Variants in GLIS3 observed in about 807,000 individuals in gnomAD.
The protein encoded by GLIS3 is zinc finger protein GLIS3.
GLIS3 carries 53 observed loss-of-function variants against 78.6 expected under a neutral mutation model. The observed-to-expected ratio is 0.67, with a 90% CI of 0.54 to 0.85. The LOEUF (loss-of-function observed/expected upper bound fraction) is 0.85. GLIS3 is among the 40% of genes least tolerant of loss of function. The pLI, the probability that GLIS3 is intolerant of heterozygous loss-of-function variation, is 0.00. For synonymous variants in GLIS3, 684 were observed against 509.9 expected (o/e 1.34, Z -4.60); for missense variants, 1,703 against 1,231.1 (o/e 1.38, Z -5.74).
chr9:4,431,188 T>G, the GLIS3 span, among the ~76,000 whole-genome samples: 1 of 152,226 alleles, frequency 6.6e-6, no homozygotes, highest in South Asian at 2.1e-4. Flanking sequence ...GTCTTAGAAT[T>G]TCCCTTATCC....
chr9:4,238,701 G>A (rs74955787), intron 2 of GLIS3, among the ~76,000 whole-genome samples: 1 of 152,272 alleles, frequency 6.6e-6, no homozygotes, highest in African/African-American at 2.4e-5. Context: ...TTCCTCATGA[G>A]TCAGACACCT....
rs566140738 is a variant in GLIS3, at chr9:3,829,265, C to G, written c.2656+45G>C. On this transcript the variant is annotated intron_variant, in intron 10 of 10. Transcript: ENST00000381971. The stretch of plus-strand genomic sequence containing the variant: ...GTCACGGGCAGCCCACCTGGTCTCT[C>G]CTGTCAGTTGACAGGATTTTCTAAG... 16 of 1,583,534 alleles carry G rather than the reference C, an allele frequency of 1.0e-5. No homozygotes were observed. In the Admixed American group the frequency reaches 2.5e-4, roughly 25 times the overall value.
chr9:4,008,255 G>T (rs1164306552), intron 4 of GLIS3, among the ~76,000 whole-genome samples: 1 of 152,030 alleles, frequency 6.6e-6, no homozygotes, highest in Admixed American at 6.6e-5. Flanking sequence ...CTCAGAGTAG[G>T]CCCTAAAATT....
intron 4 of GLIS3, among the ~76,000 whole-genome samples, chr9:3,951,752 A>T (rs1420951289): frequency 6.6e-6 from 1 of 152,034 alleles, no homozygotes; most frequent in East Asian, 1.9e-4. Context: ...CAGTTTAGAA[A>T]TGCAAATCAA....
At chr9:3,838,134 G>A (rs1200693802) in intron 9 of GLIS3, among the ~76,000 whole-genome samples, 3 of 152,150 alleles carry the variant, frequency 2.0e-5, no homozygotes, top group African/African-American at 7.2e-5. Flanking sequence ...ACCAAAATAT[G>A]TATTCCATGA....
chr9:4,078,370 C>A (rs920395595), intron 4 of GLIS3, among the ~76,000 whole-genome samples: 2 of 152,114 alleles, frequency 1.3e-5, no homozygotes, highest in African/African-American at 4.8e-5. Context: ...TTCTGGGAAA[C>A]CCCTGGGTTC....
At chr9:4,437,021 A>G in the GLIS3 span, among the ~76,000 whole-genome samples, 1 of 152,112 alleles carries the variant, frequency 6.6e-6, no homozygotes, top group South Asian at 2.1e-4. Flanking sequence ...GAGAGAAGGT[A>G]TCTTGAGCTG....
chr9:4,327,930 C>T (rs1817626517), intron 2 of GLIS3, among the ~76,000 whole-genome samples: 1 of 152,150 alleles, frequency 6.6e-6, no homozygotes, highest in Non-Finnish European at 1.5e-5. Flanking sequence ...GCTGAAATTG[C>T]ATCAAGAGCC....
Position 3,898,265 on chromosome 9 carries a change from T to C in GLIS3, c.2128+426A>G, listed in dbSNP as rs1318349417. 36 of 267,444 alleles carry C rather than the reference T, an allele frequency of 1.3e-4. 2 individuals are homozygous for C. In the Admixed American group the frequency reaches 1.7e-3, roughly 13 times the overall value. The allele number at this position is 267,444 out of a possible 1,614,324, so 16.6% of individuals were successfully genotyped here. ...GAATGAACATTCTTATAAGTTGGTT[T>C]GCTGATGTGAAAATTTCCTTAGAGA... On this transcript the variant is annotated intron_variant, in intron 7 of 10. Transcript: ENST00000381971.
intron 4 of GLIS3, among the ~76,000 whole-genome samples, chr9:3,969,890 C>T (rs1214292268): frequency 6.6e-6 from 1 of 152,176 alleles, no homozygotes; most frequent in Non-Finnish European, 1.5e-5. Flanking sequence ...GGGAAGGAAG[C>T]TAGGTGAGGG....
intron 4 of GLIS3, among the ~76,000 whole-genome samples, chr9:4,060,284 A>G (rs1826535189): frequency 6.6e-6 from 1 of 152,096 alleles, no homozygotes; most frequent in African/African-American, 2.4e-5. Context: ...TCAACTTTCC[A>G]TTCAACAAAC....
intron 6 of GLIS3, among the ~76,000 whole-genome samples, chr9:3,913,123 A>G (rs547022389): frequency 7.2e-5 from 11 of 152,292 alleles, no homozygotes; most frequent in African/African-American, 2.2e-4. Flanking sequence ...CCTATGTTAC[A>G]GCTTAGGAAG....
At chr9:4,426,072 T>C in the GLIS3 span, among the ~76,000 whole-genome samples, 5 of 152,148 alleles carry the variant, frequency 3.3e-5, no homozygotes, top group African/African-American at 1.2e-4. Context: ...TGGCCCACAA[T>C]TTCCTGAGGT....
intron 4 of GLIS3, among the ~76,000 whole-genome samples, chr9:3,990,214 T>C (rs1040605791): frequency 6.6e-6 from 1 of 152,192 alleles, no homozygotes; most frequent in African/African-American, 2.4e-5. Flanking sequence ...TTCTTCATCA[T>C]TCCATTAATC....
At chr9:4,062,305 T>C (rs1826720862) in intron 4 of GLIS3, among the ~76,000 whole-genome samples, 1 of 152,182 alleles carries the variant, frequency 6.6e-6, no homozygotes, top group Non-Finnish European at 1.5e-5. Flanking sequence ...GACTGTCAGT[T>C]TCCCATATTG....
chr9:4,156,129 T>A (rs1438066166), intron 2 of GLIS3, among the ~76,000 whole-genome samples: 1 of 152,132 alleles, frequency 6.6e-6, no homozygotes. Flanking sequence ...TGGCCATTCC[T>A]CTTGATTGAC....
At position 4,321,383 on chromosome 9, in the gene GLIS3, C is replaced by T. The variant is rs561660483; in HGVS notation, n.265-10855G>A. 1.0e-3 allele frequency among the ~76,000 whole-genome samples: 118 copies of T among 113,956 alleles called. 9 individuals are homozygous for T. Among genetic ancestry groups the T allele is most frequent in the Admixed American group, 2.6e-3 (25 of 9,752 alleles). 74.8% of individuals were successfully genotyped at this position (113,956 alleles called of 152,430 possible). A position where few individuals can be genotyped will look rare whatever the true frequency, so the allele number is the denominator to read the frequency against. On this transcript the variant is annotated intron_variant and non_coding_transcript_variant, in intron 2 of 4. Transcript: ENST00000471664. Reference sequence around the variant, plus strand: ...CTTGCAGGGAGCCGAGATGGCGCCACTGCACTCCAGCCTGGGCCACAGAGC... The same window carrying T: ...CTTGCAGGGAGCCGAGATGGCGCCATTGCACTCCAGCCTGGGCCACAGAGC...
chr9:4,108,093 C>T (rs577601405), intron 4 of GLIS3, among the ~76,000 whole-genome samples: 15 of 152,200 alleles, frequency 9.9e-5, no homozygotes, highest in Admixed American at 5.9e-4. Context: ...TCTCAAATCC[C>T]AGAAATTACT....
chr9:4,134,120 T>C lies in GLIS3; in HGVS notation c.389-8179A>G, dbSNP rs576659497. 7.2e-5 allele frequency among the ~76,000 whole-genome samples: 11 copies of C among 152,288 alleles called. No individual in the cohort carries two copies. The South Asian group carries it at 1.9e-3, about 26-fold the overall frequency. ...AATTTTTTTTAAAACCTCTCAACCA[T>C]ACCCTTTTACTGTGCAAACCTGTTT... On this transcript the variant is annotated intron_variant, in intron 2 of 10. Transcript: ENST00000381971.
Sources: allele counts gnomAD v4.1 joint callset (sites outside exome capture counted in the v4.1 genomes callset), GRCh38; gene constraint gnomAD v4.1.1; transcripts MANE v1.5; gene names NCBI Gene and HGNC (gene_info 2026-07-23, HGNC 2026-07-21).